Variants in NPAS3 observed in about 807,000 individuals in gnomAD.
NPAS3 encodes neuronal PAS domain-containing protein 3.
In NPAS3, 14 loss-of-function variants were observed where a neutral mutation model predicts 73.1. The observed-to-expected ratio is 0.19, with a 90% CI of 0.13 to 0.30. The LOEUF (loss-of-function observed/expected upper bound fraction) is 0.30, where lower values mean the gene tolerates loss of function less well. Ranked by LOEUF, NPAS3 falls within the 10% of genes least tolerant of loss-of-function variation. NPAS3 has a pLI of 1.00. For missense variants in NPAS3, 1,096 were observed against 1,250.0 expected (o/e 0.88, Z 1.86); for synonymous variants, 620 against 541.5 (o/e 1.14, Z -2.01).
chr14:33,580,092 G>A (rs1172646502), intron 5 of NPAS3, among the ~76,000 whole-genome samples: 1 of 152,048 alleles, frequency 6.6e-6, no homozygotes, highest in Non-Finnish European at 1.5e-5. Flanking sequence ...CTGTCACAAT[G>A]TTTATAGACT....
intron 4 of NPAS3, among the ~76,000 whole-genome samples, chr14:33,468,497 A>G (rs1173403115): frequency 6.6e-6 from 1 of 152,132 alleles, no homozygotes; most frequent in African/African-American, 2.4e-5. Flanking sequence ...TTTTTCCTCT[A>G]AAAATGTGGA....
chr14:33,212,269 T>G (rs2047067410), intron 2 of NPAS3, among the ~76,000 whole-genome samples: 1 of 152,170 alleles, frequency 6.6e-6, no homozygotes, highest in African/African-American at 2.4e-5. Context: ...CAATTACTAC[T>G]TATTACAGAC....
chr14:33,746,502 C>CCT (rs566906385), intron 7 of NPAS3, among the ~76,000 whole-genome samples: 9 of 140,214 alleles, frequency 6.4e-5, no homozygotes, highest in African/African-American at 2.3e-4. Flanking sequence ...CTGACTCATT[C>CCT]TTTTTTTTTT....
chr14:33,606,762 A>G (rs1448210857), intron 5 of NPAS3, among the ~76,000 whole-genome samples: 1 of 152,236 alleles, frequency 6.6e-6, no homozygotes, highest in Non-Finnish European at 1.5e-5. Flanking sequence ...ATTGAAGTTT[A>G]AAACTTCTAC....
chr14:33,592,160 G>A (rs2057091531), intron 5 of NPAS3, among the ~76,000 whole-genome samples: 2 of 152,156 alleles, frequency 1.3e-5, no homozygotes, highest in South Asian at 2.1e-4. Context: ...TATGCTCTTG[G>A]ACTGGGTGGC....
intron 3 of NPAS3, among the ~76,000 whole-genome samples, chr14:33,241,187 T>G (rs1180471493): frequency 2.6e-5 from 4 of 151,930 alleles, no homozygotes; most frequent in African/African-American, 9.7e-5. Flanking sequence ...AACTCTGATT[T>G]TCTGAAAACT....
At chr14:33,345,275 A>G (rs1161726015) in intron 3 of NPAS3, among the ~76,000 whole-genome samples, 1 of 152,212 alleles carries the variant, frequency 6.6e-6, no homozygotes, top group East Asian at 1.9e-4. Context: ...GCCCTAAAAG[A>G]TATGAACCGA....
At chr14:33,524,677 C>T (rs2053714428) in intron 4 of NPAS3, among the ~76,000 whole-genome samples, 2 of 152,108 alleles carry the variant, frequency 1.3e-5, no homozygotes, top group African/African-American at 4.8e-5. Flanking sequence ...AATGTGTTGT[C>T]TCAGAATTCT....
At chr14:33,524,197 T>G (rs1244603996) in intron 4 of NPAS3, among the ~76,000 whole-genome samples, 1 of 152,172 alleles carries the variant, frequency 6.6e-6, no homozygotes, top group Admixed American at 6.5e-5. Flanking sequence ...AAGTCCTCCT[T>G]ACCCTCTACA....
At chr14:33,414,402 A>G (rs1167279502) in intron 4 of NPAS3, among the ~76,000 whole-genome samples, 1 of 152,158 alleles carries the variant, frequency 6.6e-6, no homozygotes, top group Non-Finnish European at 1.5e-5. Flanking sequence ...GATATAATGA[A>G]GAAACATCAA....
At chr14:32,968,372 A>G (rs914488230) in intron 1 of NPAS3, among the ~76,000 whole-genome samples, 1 of 152,194 alleles carries the variant, frequency 6.6e-6, no homozygotes, top group African/African-American at 2.4e-5. Flanking sequence ...TGTCAATTAA[A>G]AATAAAACAT....
chr14:33,325,675 A>G (rs1166329285), intron 3 of NPAS3, among the ~76,000 whole-genome samples: 2 of 147,770 alleles, frequency 1.4e-5, no homozygotes, highest in Non-Finnish European at 3.0e-5. Flanking sequence ...TTAAGTTATT[A>G]TTGACTATAG....
intron 1 of NPAS3, among the ~76,000 whole-genome samples, chr14:32,948,787 C>A (rs1044913305): frequency 2.0e-5 from 3 of 152,070 alleles, no homozygotes; most frequent in African/African-American, 4.8e-5. Flanking sequence ...CCTCTCCATT[C>A]CTCATATATA....
intron 4 of NPAS3, among the ~76,000 whole-genome samples, chr14:33,555,738 G>A (rs1221467710): frequency 2.0e-5 from 3 of 152,132 alleles, no homozygotes; most frequent in Non-Finnish European, 4.4e-5. Flanking sequence ...AGTGACCTTG[G>A]CAATCCACTT....
At chr14:32,983,276 T>C (rs2037972645) in intron 1 of NPAS3, among the ~76,000 whole-genome samples, 1 of 152,172 alleles carries the variant, frequency 6.6e-6, no homozygotes, top group African/African-American at 2.4e-5. Context: ...ATTTTGTATT[T>C]TTCTTTAGAC....
intron 9 of NPAS3, 83 bp downstream of exon 9, chr14:33,778,655 C>A: frequency 1.1e-6 from 1 of 877,680 alleles, no homozygotes; most frequent in South Asian, 1.4e-5. Flanking sequence ...CTGATTTTTC[C>A]CTTCATCTTT....
chr14:33,346,008 G>A (rs546127453), intron 3 of NPAS3, among the ~76,000 whole-genome samples: 428 of 151,942 alleles, frequency 2.8e-3, no homozygotes, highest in Non-Finnish European at 4.9e-3. Flanking sequence ...CGAGGCAGGA[G>A]GATCACAAGG....
chr14:33,589,239 A>C (rs1384972217), intron 5 of NPAS3, among the ~76,000 whole-genome samples: 1 of 152,198 alleles, frequency 6.6e-6, no homozygotes, highest in East Asian at 1.9e-4. Context: ...TCTTCTATTA[A>C]ATAGAGTCAC....
intron 1 of NPAS3, among the ~76,000 whole-genome samples, chr14:33,009,549 A>G (rs1463540948): frequency 6.6e-6 from 1 of 152,170 alleles, no homozygotes; most frequent in Non-Finnish European, 1.5e-5. Flanking sequence ...TGACATTAAC[A>G]CTGGTGCTGG....
Sources: gnomAD v4.1 joint callset for allele counts (sites outside exome capture counted in the v4.1 genomes callset) on GRCh38, gnomAD v4.1.1 for gene constraint, MANE v1.5 for transcripts, NCBI Gene and HGNC (gene_info 2026-07-23, HGNC 2026-07-21) for gene names.